Variants in ANK3 observed in about 807,000 individuals in gnomAD.
ANK3 encodes the protein ankyrin 3.
In ANK3, 57 loss-of-function variants were observed where a neutral mutation model predicts 370.9. The observed-to-expected ratio is 0.15, with a 90% CI of 0.12 to 0.19. The LOEUF (loss-of-function observed/expected upper bound fraction) is 0.19, where lower values mean the gene tolerates loss of function less well. ANK3 is among the 10% of genes least tolerant of loss of function. The probability of loss-of-function intolerance (pLI) is 1.00; values close to 1 mark genes in which losing one functional copy is unlikely to be tolerated. For missense variants in ANK3, 4,439 were observed against 5,302.1 expected (o/e 0.84, Z 5.06); for synonymous variants, 1,929 against 1,946.3 (o/e 0.99, Z 0.23).
chr10:60,705,320 G>T (rs7918918), intron 1 of ANK3, among the ~76,000 whole-genome samples: 2 of 143,660 alleles, frequency 1.4e-5, no homozygotes, highest in African/African-American at 4.9e-5. Context: ...ATAAATAAAG[G>T]TGATGATGAT....
At chr10:60,165,961 A>G (rs917863718) in intron 23 of ANK3, among the ~76,000 whole-genome samples, 1 of 152,236 alleles carries the variant, frequency 6.6e-6, no homozygotes, top group African/African-American at 2.4e-5. Flanking sequence ...GATGCCATTC[A>G]TTGATATATC....
rs1554899799 is a variant in ANK3 at position 60,086,935 on chromosome 10, T to TC, written c.3541-52dup. On this transcript the variant is annotated intron_variant, in intron 29 of 43. Transcript: ENST00000280772. The stretch of plus-strand genomic sequence containing the variant: ...TGAAAGTGACTTTTTTTTTTTTTTT[T>TC]CCCAATCATGAAGTTTACTTTTTAA... The TC allele has an allele frequency of 6.5e-5, 76 of 1,175,272 alleles. No homozygotes were observed. In the South Asian group the frequency reaches 8.6e-4, roughly 13 times the overall value. 72.8% of individuals were successfully genotyped at this position (1,175,272 alleles called of 1,614,324 possible).
At chr10:60,097,087 T>C (rs1006835067) in intron 28 of ANK3, among the ~76,000 whole-genome samples, 3 of 152,238 alleles carry the variant, frequency 2.0e-5, no homozygotes, top group Non-Finnish European at 4.4e-5. Context: ...TTACACTTAC[T>C]GAAGGTCTAT....
intron 1 of ANK3, among the ~76,000 whole-genome samples, chr10:60,359,701 C>T (rs944260912): frequency 6.6e-6 from 1 of 152,096 alleles, no homozygotes; most frequent in African/African-American, 2.4e-5. Context: ...CTTTGGGAAG[C>T]TGAGGCAGGA....
In ANK3 at chr10:60,603,323, C is replaced by T. The variant is rs571498694; in HGVS notation, c.96+11863G>A. On this transcript the variant is annotated intron_variant, in intron 2 of 43. Coordinates refer to the ANK3 transcript ENST00000373827. ...AGGAGGGCACAAATGGTAAAGACAG[C>T]TCATCCTGAATGTTTTGAATCACAT... Among the ~76,000 whole-genome samples the T allele has an allele frequency of 2.6e-5, 4 of 152,268 alleles. No homozygotes were observed. The South Asian group carries it at 6.2e-4, about 24-fold the overall frequency.
chr10:60,054,349 C>T (rs180832351), intron 42 of ANK3, among the ~76,000 whole-genome samples: 32 of 152,070 alleles, frequency 2.1e-4, no homozygotes, highest in Admixed American at 1.1e-3. Flanking sequence ...CTTGTCAGGA[C>T]GGAGTTAAAG....
At chr10:60,224,185 A>G (rs747228702) in intron 8 of ANK3, among the ~76,000 whole-genome samples, 10 of 152,142 alleles carry the variant, frequency 6.6e-5, no homozygotes, top group Non-Finnish European at 1.3e-4. Context: ...AGGGATGCTG[A>G]GTTGCCATAG....
intron 1 of ANK3, among the ~76,000 whole-genome samples, chr10:60,280,855 G>A (rs2098151754): frequency 6.6e-6 from 1 of 152,192 alleles, no homozygotes; most frequent in African/African-American, 2.4e-5. Context: ...GTGGAGTTTA[G>A]TTTCTCAGTG....
intron 2 of ANK3, among the ~76,000 whole-genome samples, chr10:60,457,820 A>G (rs1290678953): frequency 1.3e-5 from 2 of 152,040 alleles, no homozygotes; most frequent in Non-Finnish European, 1.5e-5. Context: ...CTAGTGTGGT[A>G]TATCCTGCCA....
At chr10:60,129,250 A>G (rs779700603) in intron 25 of ANK3, among the ~76,000 whole-genome samples, 2 of 152,222 alleles carry the variant, frequency 1.3e-5, no homozygotes, top group African/African-American at 2.4e-5. Flanking sequence ...AACCCTTAAA[A>G]ATACATATGC....
At chr10:60,057,004 CCT>C (rs1481115257) in intron 41 of ANK3, among the ~76,000 whole-genome samples, 1 of 152,066 alleles carries the variant, frequency 6.6e-6, no homozygotes, top group Non-Finnish European at 1.5e-5. Flanking sequence ...AAAATTGCGC[CCT>C]GTCTCCAAAA....
intron 2 of ANK3, among the ~76,000 whole-genome samples, chr10:60,513,403 T>C: frequency 6.6e-6 from 1 of 152,088 alleles, no homozygotes; most frequent in Non-Finnish European, 1.5e-5. Context: ...TTACTTACTA[T>C]CCATGGGGGT....
chr10:60,099,262 A>T (rs545044092), intron 28 of ANK3, among the ~76,000 whole-genome samples: 284 of 152,218 alleles, frequency 1.9e-3, no homozygotes, highest in Non-Finnish European at 3.4e-3. Context: ...GGGGGGGCAT[A>T]TGCCTGACAC....
intron 23 of ANK3, among the ~76,000 whole-genome samples, chr10:60,153,365 TG>T (rs1565344339): frequency 6.6e-6 from 1 of 151,966 alleles, no homozygotes; most frequent in Non-Finnish European, 1.5e-5. Context: ...GTGGCCTGGA[TG>T]GGGGTGGTGA....
chr10:60,579,918 G>A (rs936786206), intron 2 of ANK3, among the ~76,000 whole-genome samples: 1 of 152,194 alleles, frequency 6.6e-6, no homozygotes, highest in East Asian at 1.9e-4. Context: ...ATAAGAATCA[G>A]CAGTGAAAAT....
intron 38 of ANK3, 29 bp from the exon 39 acceptor site, chr10:60,064,317 T>C (rs768076038): frequency 1.9e-6 from 3 of 1,547,594 alleles, no homozygotes; most frequent in African/African-American, 2.8e-5. Flanking sequence ...GTTACTAAGA[T>C]TGCATATTCT....
chr10:60,678,354 C>T (rs779941607), intron 1 of ANK3, among the ~76,000 whole-genome samples: 31 of 151,904 alleles, frequency 2.0e-4, no homozygotes, highest in Admixed American at 4.6e-4. Context: ...ACTTAAGAAA[C>T]AATTTAGTGG....
At chr10:60,221,220 C>CAG (rs2097050595) in intron 8 of ANK3, among the ~76,000 whole-genome samples, 1 of 151,954 alleles carries the variant, frequency 6.6e-6, no homozygotes, top group South Asian at 2.1e-4. Flanking sequence ...GCTGGGATTA[C>CAG]AGGCGCCTGC....
At chr10:60,398,628 C>G (rs1174910864) in intron 2 of ANK3, among the ~76,000 whole-genome samples, 1 of 152,200 alleles carries the variant, frequency 6.6e-6, no homozygotes, top group East Asian at 1.9e-4. Flanking sequence ...CATGTCCACA[C>G]AGATAACGTT....
Sources: gnomAD v4.1 joint callset for allele counts (sites outside exome capture counted in the v4.1 genomes callset) on GRCh38, gnomAD v4.1.1 for gene constraint, MANE v1.5 for transcripts, NCBI Gene and HGNC (gene_info 2026-07-23, HGNC 2026-07-21) for gene names.